Variants in LRP4 observed in about 807,000 individuals in gnomAD.
LRP4 encodes the protein low-density lipoprotein receptor-related protein 4.
LRP4 carries 95 observed loss-of-function variants against 220.3 expected under a neutral mutation model. The ratio of observed to expected loss-of-function variants is 0.43; its 90% CI spans 0.37 to 0.51. LRP4 has a LOEUF of 0.51. Ranked by LOEUF, LRP4 falls within the 20% of genes least tolerant of loss-of-function variation. The pLI is 0.00. For missense variants in LRP4, 1,925 were observed against 2,567.0 expected (o/e 0.75, Z 5.40); for synonymous variants, 903 against 954.6 (o/e 0.95, Z 1.00).
intron 7 of LRP4, 70 bp from the exon 8 acceptor site, chr11:46,897,064 C>T (rs1055635767): frequency 1.2e-6 from 2 of 1,605,142 alleles, no homozygotes; most frequent in Middle Eastern, 1.7e-4. Context: ...CCACCCAAAT[C>T]TGCAGCTTAT....
At chr11:46,870,852 A>T (rs569194204) in intron 31 of LRP4, among the ~76,000 whole-genome samples, 2 of 152,216 alleles carry the variant, frequency 1.3e-5, no homozygotes, top group Non-Finnish European at 2.9e-5. Context: ...TAGCGATAAC[A>T]TGTATGTGGT....
In LRP4 at chr11:46,865,337, A is replaced by G. The variant is rs1940666491; in HGVS notation, c.5088-151T>C. ...ACATCAGAAGCATGGAGAGGGCAAC[A>G]ACAGGAAATGGAGAGAAATCCGTGC... On this transcript the variant is annotated intron_variant, in intron 34 of 37. Transcript: ENST00000378623. The G allele has an allele frequency of 5.7e-6, 4 of 703,632 alleles. No homozygotes were observed. In the Admixed American group the frequency reaches 8.1e-5, roughly 14 times the overall value. 43.6% of individuals were successfully genotyped at this position (703,632 alleles called of 1,614,324 possible).
rs1272734945 is a variant in LRP4, at chr11:46,867,832, A to C, written c.5087+147T>G. On this transcript the variant is annotated intron_variant, in intron 34 of 37. Coordinates refer to ENST00000378623, the MANE Select transcript of LRP4 (RefSeq NM_002334.4). ...TCACTTGTAACAATCTACAAGTCTG[A>C]ATATCACCTTCTGTCCCAAATAACA... 4.3e-6 allele frequency: 4 copies of C among 940,902 alleles called. No individual in the cohort carries two copies. In the African/African-American group the frequency reaches 6.6e-5, roughly 15 times the overall value. The allele number at this position is 940,902 out of a possible 1,614,324, so 58.3% of individuals were successfully genotyped here.
chr11:46,879,152 T>C lies in LRP4; in HGVS notation c.2978A>G (p.His993Arg). The C allele has an allele frequency of 1.9e-6, 3 of 1,614,206 alleles. No individual in the cohort carries two copies. The highest frequency in any genetic ancestry group is 2.5e-6 in the Non-Finnish European group (3 of 1,180,024). Residue 993 changes from histidine (H) to arginine (R), a missense_variant, in exon 21 of 38, where the codon CAT becomes CGT. Physicochemically the swap from His to Arg is conservative, Grantham distance 29. Coordinates refer to ENST00000378623, the MANE Select transcript of LRP4 (RefSeq NM_002334.4). ...TGGGGGCCGGCGGCGGTGGAAGACA[T>C]GGATGTCCATTAGGTTTTCCAGGTT... ...QENLENLMDI[H>R]VFHRRRPPVS... is the part of the protein sequence containing the mutation.
chr11:46,865,261 G>A, intron 34 of LRP4, 75 bp from the exon 35 acceptor site: 2 of 1,092,904 alleles, frequency 1.8e-6, no homozygotes, highest in East Asian at 2.6e-5. Flanking sequence ...AGGAAAGGGG[G>A]AAAGGCCTGT....
At chr11:46,884,030 C>G in intron 18 of LRP4, 54 bp from the exon 19 acceptor site, 1 of 1,391,372 alleles carries the variant, frequency 7.2e-7, no homozygotes. Context: ...CACCCTCTTA[C>G]CTTCCATGGC....
intron 20 of LRP4, among the ~76,000 whole-genome samples, chr11:46,880,061 C>T (rs1284917491): frequency 1.3e-5 from 2 of 152,112 alleles, no homozygotes; most frequent in East Asian, 1.9e-4. Flanking sequence ...GCTGAGATCG[C>T]ACCATTGCAC....
At chr11:46,906,774 C>T (rs1420058848) in intron 1 of LRP4, among the ~76,000 whole-genome samples, 2 of 152,090 alleles carry the variant, frequency 1.3e-5, no homozygotes, top group Non-Finnish European at 2.9e-5. Context: ...ACAGAAGTCC[C>T]GATTTCCCCC....
chr11:46,870,662 G>C (rs978157298), intron 31 of LRP4, among the ~76,000 whole-genome samples: 3 of 152,208 alleles, frequency 2.0e-5, no homozygotes, highest in Non-Finnish European at 4.4e-5. Context: ...TTGGGCTCAA[G>C]TGATACTCTG....
rs746862127 is a variant in LRP4 at position 46,875,093 on chromosome 11, C to T, written c.3936G>A (p.Lys1312=). The T allele has an allele frequency of 6.2e-7, 1 of 1,613,018 alleles. No homozygotes were observed. The highest frequency in any genetic ancestry group is 1.7e-5 in the Admixed American group (1 of 60,016). The stretch of plus-strand genomic sequence containing the variant: ...AGCAGCCGCCATTTCTCGAGCCGCA[C>T]TTGTTAAAACCTGGTGATGAGAAGC... The part of the protein sequence containing the change: ...VDRAQPLGFN[K]CGSRNGGCSH... The change falls in exon 28 of 38, where the codon AAG becomes AAA. Residue 1312 remains lysine, a synonymous_variant. Coordinates refer to ENST00000378623, the MANE Select transcript of LRP4 (RefSeq NM_002334.4). The surrounding 1 kb of genome is among the most constrained non-coding windows in gnomAD (Gnocchi z 4.5).
At chr11:46,898,497 CTT>C in intron 7 of LRP4, 59 bp downstream of exon 7, 1 of 1,611,728 alleles carries the variant, frequency 6.2e-7, no homozygotes, top group Non-Finnish European at 8.5e-7. Context: ...GTAGTGGCCT[CTT>C]TGGCTCCACA....
chr11:46,889,962 G>C lies in LRP4; in HGVS notation c.2074C>G (p.Pro692Ala). Reference sequence around the variant, plus strand: ...TTTTTACCTGCAGGTTGGCGCTGGGGGTGCAAGGTGTGGATGTCCATAGGG... The same window carrying C: ...TTTTTACCTGCAGGTTGGCGCTGGGCGTGCAAGGTGTGGATGTCCATAGGG... Reference protein sequence around the residue: ...HFPMDIHTLHPQRQPAGKNRC... With the variant: ...HFPMDIHTLHAQRQPAGKNRC... The change falls in exon 15 of 38, where the codon CCC (proline) becomes GCC (alanine). Residue 692 changes from proline to alanine, a missense_variant. This residue lies in a region of LRP4 where 1,244 missense variants were observed against 1,624.9 expected (regional missense o/e 0.77). Coordinates refer to ENST00000378623, the MANE Select transcript of LRP4 (RefSeq NM_002334.4). 1 of 1,614,108 alleles carries C rather than the reference G, an allele frequency of 6.2e-7. No homozygotes were observed. The highest frequency in any genetic ancestry group is 8.5e-7 in the Non-Finnish European group (1 of 1,180,032).
At chr11:46,916,990 C>G (rs1022402109) in intron 1 of LRP4, among the ~76,000 whole-genome samples, 1 of 152,234 alleles carries the variant, frequency 6.6e-6, no homozygotes, top group African/African-American at 2.4e-5. Flanking sequence ...GGCCAAGCTA[C>G]CGCTCTTCGG....
chr11:46,860,961 T>G (rs987536613), intron 37 of LRP4: 1 of 984,928 alleles, frequency 1.0e-6, no homozygotes, highest in African/African-American at 1.8e-5. Flanking sequence ...AGAGAAAAGG[T>G]GAAAGACTAT....
chr11:46,901,859 A>G (rs781328411), intron 2 of LRP4, among the ~76,000 whole-genome samples: 14 of 151,912 alleles, frequency 9.2e-5, no homozygotes, highest in African/African-American at 1.5e-4. Context: ...CAGCCTCCCA[A>G]GTAGCTGGGA....
chr11:46,870,280 C>T (rs926484510), intron 31 of LRP4, among the ~76,000 whole-genome samples: 1 of 152,080 alleles, frequency 6.6e-6, no homozygotes. Flanking sequence ...AAAACAACAA[C>T]AACAACAAAA....
chr11:46,895,400 T>G, intron 10 of LRP4, 109 bp from the exon 11 acceptor site: 2 of 1,444,808 alleles, frequency 1.4e-6, no homozygotes, highest in Non-Finnish European at 1.9e-6. Flanking sequence ...TTTCCAGGCC[T>G]AGTGGGAAGG....
intron 18 of LRP4, among the ~76,000 whole-genome samples, 157 bp downstream of exon 18, chr11:46,885,934 G>C (rs942391155): frequency 2.0e-5 from 3 of 152,168 alleles, no homozygotes; most frequent in Admixed American, 1.3e-4. Context: ...TTCTCACTTC[G>C]GCTCTGCAGC....
intron 1 of LRP4, among the ~76,000 whole-genome samples, chr11:46,914,921 G>T (rs1408071042): frequency 1.3e-5 from 2 of 151,964 alleles, no homozygotes; most frequent in Non-Finnish European, 2.9e-5. Context: ...GCAGTTAATC[G>T]GTAGAAAGAG....
Sources: allele counts gnomAD v4.1 joint callset (sites outside exome capture counted in the v4.1 genomes callset), GRCh38; gene constraint gnomAD v4.1.1; regional missense constraint gnomAD v4.1.1; non-coding constraint Gnocchi (gnomAD v3.1); transcripts MANE v1.5; gene names NCBI Gene and HGNC (gene_info 2026-07-23, HGNC 2026-07-21).